The following CBY1 variants were observed in gnomAD, a reference collection of about 807,000 sequenced individuals.
CBY1 encodes chibby 1, beta catenin antagonist.
CBY1 carries 10 observed loss-of-function variants against 15.6 expected under a neutral mutation model. The observed-to-expected ratio is 0.64, with a 90% CI of 0.40 to 1.09. The LOEUF (loss-of-function observed/expected upper bound fraction) is 1.09. CBY1 is among the 50% of genes least tolerant of loss of function. The pLI is 0.01. For missense variants in CBY1, 150 were observed against 160.5 expected (o/e 0.93, Z 0.35); for synonymous variants, 61 against 63.5 (o/e 0.96, Z 0.19).
intron 1 of CBY1, among the ~76,000 whole-genome samples, chr22:38,659,691 T>C (rs2092416164): frequency 6.6e-6 from 1 of 151,758 alleles, no homozygotes; most frequent in African/African-American, 2.4e-5. Flanking sequence ...TGAAACCCCA[T>C]CTCTACTAAA....
chr22:38,659,667 C>A (rs2092415998), intron 1 of CBY1, among the ~76,000 whole-genome samples: 1 of 151,892 alleles, frequency 6.6e-6, no homozygotes, highest in Non-Finnish European at 1.5e-5. Flanking sequence ...TCGAGACCAT[C>A]CTGGCTAACA....
chr22:38,668,988 C>T (rs879942703), intron 2 of CBY1, among the ~76,000 whole-genome samples: 11 of 152,322 alleles, frequency 7.2e-5, no homozygotes, highest in Admixed American at 2.6e-4. Flanking sequence ...GATGCAGATA[C>T]ACCTGGCGGT....
At chr22:38,657,338 A>G (rs1346923041) in intron 1 of CBY1, among the ~76,000 whole-genome samples, 1 of 152,322 alleles carries the variant, frequency 6.6e-6, no homozygotes, top group Non-Finnish European at 1.5e-5. Context: ...TACTATTATT[A>G]TTCCTCAGTG....
rs775685859 is a variant in CBY1, at chr22:38,668,107, C to T, written c.53C>T (p.Ser18Leu). 8.1e-6 allele frequency: 13 copies of T among 1,611,822 alleles called. No homozygotes were observed. Among genetic ancestry groups the T allele is most frequent in the African/African-American group, 2.7e-5 (2 of 74,830 alleles). Residue 18 changes from serine to leucine, a missense_variant, in exon 2 of 5, where the codon TCG (serine) becomes TTG (leucine). By Grantham distance (145) the Ser-to-Leu change is moderately radical. Transcript: ENST00000216029. ...CCGAAGAAGACACCTCCTCGGAAGT[C>T]GGCATCTCTCTCCAACCTGCATTCT... ...FSPKKTPPRK[S>L]ASLSNLHSLD...
At chr22:38,672,272 A>T (rs1018048107) in intron 4 of CBY1, among the ~76,000 whole-genome samples, 2 of 151,776 alleles carry the variant, frequency 1.3e-5, no homozygotes, top group East Asian at 1.9e-4. Flanking sequence ...GGAAAAAAAA[A>T]AAAGAAAAAG....
At position 38,657,456 on chromosome 22, in the gene CBY1, C is replaced by G. The variant is rs997307182; in HGVS notation, c.-39+706C>G. Reference sequence around the variant, plus strand: ...GTGCTCCCCCTTCACTTCCTGTGTGCGGAGCACGCTCGCCCTGGGAGTTTC... The same window carrying G: ...GTGCTCCCCCTTCACTTCCTGTGTGGGGAGCACGCTCGCCCTGGGAGTTTC... On this transcript the variant is annotated intron_variant, in intron 1 of 4. Coordinates refer to ENST00000216029, the MANE Select transcript of CBY1 (RefSeq NM_015373.4). 2.6e-5 allele frequency among the ~76,000 whole-genome samples: 4 copies of G among 152,324 alleles called. No individual in the cohort carries two copies. In the South Asian group the frequency reaches 8.3e-4, roughly 32 times the overall value.
At chr22:38,665,879 A>C (rs1472082707) in intron 1 of CBY1, among the ~76,000 whole-genome samples, 1 of 152,162 alleles carries the variant, frequency 6.6e-6, no homozygotes, top group Admixed American at 6.5e-5. Flanking sequence ...TACTAAAAAT[A>C]CAAAAATTAG....
chr22:38,662,398 A>G (rs571978941), intron 1 of CBY1, among the ~76,000 whole-genome samples: 6 of 152,344 alleles, frequency 3.9e-5, no homozygotes, highest in African/African-American at 1.4e-4. Context: ...TACAAATATT[A>G]ATTCAAGATG....
chr22:38,657,615 C>G (rs145536822), intron 1 of CBY1, among the ~76,000 whole-genome samples: 38 of 152,338 alleles, frequency 2.5e-4, no homozygotes, highest in African/African-American at 8.9e-4. Flanking sequence ...CTAATCCAGA[C>G]CCTTCCTCAT....
chr22:38,665,464 C>CA (rs896924029), intron 1 of CBY1: 2 of 383,532 alleles, frequency 5.2e-6, no homozygotes. Flanking sequence ...GACCCTGTCT[C>CA]AAGAAACACA....
intron 1 of CBY1, chr22:38,665,601 A>G (rs2092433609): frequency 4.2e-6 from 2 of 476,418 alleles, no homozygotes; most frequent in East Asian, 7.0e-5. Context: ...CTGCATGGAT[A>G]AATGTCAGAA....
chr22:38,669,151 G>A (rs2092445380), intron 2 of CBY1, among the ~76,000 whole-genome samples: 1 of 152,064 alleles, frequency 6.6e-6, no homozygotes, highest in African/African-American at 2.4e-5. Flanking sequence ...TACTTGTAAG[G>A]CCTCCACAGC....
chr22:38,662,750 C>T (rs1049892781), intron 1 of CBY1, among the ~76,000 whole-genome samples: 4 of 152,126 alleles, frequency 2.6e-5, no homozygotes, highest in Non-Finnish European at 5.9e-5. Context: ...CCTGCCTCTG[C>T]CTCCCAAAGT....
rs1176072342 is a variant in CBY1, at chr22:38,666,231, A to ATT, written c.-38-1785_-38-1784insTT. Among the ~76,000 whole-genome samples, 285 of 127,730 alleles carry ATT rather than the reference A, an allele frequency of 2.2e-3. 2 individuals carry two copies. The highest frequency in any genetic ancestry group is 7.4e-3 in the African/African-American group (262 of 35,294). The allele number at this position is 127,730 out of a possible 152,430, so 83.8% of individuals were successfully genotyped here. ...TTCTGTATTAATGTTATATATATAT[A>ATT]TATTTTTTTTTCTTTTTTAACCTTT... On this transcript the variant is annotated intron_variant, in intron 1 of 4. Transcript: ENST00000216029.
chr22:38,672,805 C>T (rs2092457024), intron 4 of CBY1, among the ~76,000 whole-genome samples: 1 of 152,162 alleles, frequency 6.6e-6, no homozygotes. Context: ...CCCCTCATCC[C>T]CATTATGGGA....
chr22:38,670,742 T>G, intron 2 of CBY1, 142 bp from the exon 3 acceptor site: 1 of 641,360 alleles, frequency 1.6e-6, no homozygotes, highest in South Asian at 1.8e-5. Flanking sequence ...CATTTGATTT[T>G]ATGGCTTTAA....
Position 38,671,204 on chromosome 22 carries a change from G to A in CBY1, c.303+16G>A. ...ATTAGACATGGTGAGGCAGGTGATG[G>A]GGAAGAGAGGCCTAGCTTCTCCTTT... On this transcript the variant is annotated intron_variant, in intron 4 of 4. Transcript: ENST00000216029. The A allele has an allele frequency of 1.9e-6, 3 of 1,555,390 alleles. No individual in the cohort carries two copies. In the South Asian group the frequency reaches 3.3e-5, roughly 17 times the overall value.
chr22:38,665,517 A>G (rs902976443), intron 1 of CBY1: 3 of 396,632 alleles, frequency 7.6e-6, no homozygotes, highest in Non-Finnish European at 4.4e-6. Context: ...TTCTGTAGAC[A>G]AGTAAATTTT....
At position 38,661,249 on chromosome 22, in the gene CBY1, C is replaced by T. The variant is rs564364577; in HGVS notation, c.-39+4499C>T. Among the ~76,000 whole-genome samples, 3 of 152,324 alleles carry T rather than the reference C, an allele frequency of 2.0e-5. No homozygotes were observed. In the East Asian group the frequency reaches 5.8e-4, roughly 29 times the overall value. ...AGCGCAGTGGTGTGTTCTCGGCTCA[C>T]CGCAACCTCCGCCTCCCAGGTTCAA... On this transcript the variant is annotated intron_variant, in intron 1 of 4. Coordinates refer to ENST00000216029, the MANE Select transcript of CBY1 (RefSeq NM_015373.4).
Sources: gnomAD v4.1 joint callset for allele counts (sites outside exome capture counted in the v4.1 genomes callset) on GRCh38, gnomAD v4.1.1 for gene constraint, MANE v1.5 for transcripts, NCBI Gene and HGNC (gene_info 2026-07-23, HGNC 2026-07-21) for gene names.